Variants in CSMD1 observed in about 807,000 individuals in gnomAD.
The protein encoded by CSMD1 is CUB and sushi domain-containing protein 1.
CSMD1 carries 213 observed loss-of-function variants against 417.5 expected under a neutral mutation model. The observed-to-expected ratio is 0.51, with a 90% confidence interval of 0.46 to 0.57. CSMD1 has a LOEUF of 0.57. Among genes scored for constraint, CSMD1 ranks in the 20% least tolerant of loss-of-function variants. The probability of loss-of-function intolerance (pLI) is 0.00; values close to 1 mark genes in which losing one functional copy is unlikely to be tolerated. For synonymous variants in CSMD1, 2,862 were observed against 1,736.8 expected (o/e 1.65, Z -16.11); for missense variants, 6,923 against 4,529.7 (o/e 1.53, Z -15.17).
intron 49 of CSMD1, among the ~76,000 whole-genome samples, chr8:3,053,035 G>C (rs1185577754): frequency 6.6e-6 from 1 of 152,162 alleles, no homozygotes; most frequent in East Asian, 1.9e-4. Flanking sequence ...GTCCACCTTA[G>C]CCTCCCAAAG....
chr8:2,978,573 G>A, intron 55 of CSMD1, 39 bp downstream of exon 55: 1 of 1,488,588 alleles, frequency 6.7e-7, no homozygotes, highest in Non-Finnish European at 9.0e-7. Flanking sequence ...TGACCTTGCA[G>A]GGGTCTCTGC....
chr8:4,468,036 C>A (rs1185812934), intron 2 of CSMD1, among the ~76,000 whole-genome samples: 4 of 150,384 alleles, frequency 2.7e-5, no homozygotes, highest in African/African-American at 1.0e-4. Context: ...ACATGGGTTA[C>A]TCAACAGGCC....
rs754915483 is a variant in CSMD1 at position 3,692,989 on chromosome 8, AT to A, written c.1009+15424del. 3.6e-4 allele frequency among the ~76,000 whole-genome samples: 55 copies of A among 152,318 alleles called. 1 individual carries two copies. Among genetic ancestry groups the A allele is most frequent in the Non-Finnish European group, 3.7e-4 (25 of 68,026 alleles). The stretch of plus-strand genomic sequence containing the variant: ...TTAACTTGGATATGACTTCTTTATC[AT>A]CAAAAGTAACATTAATATTATATTG... On this transcript the variant is annotated intron_variant, in intron 7 of 69. Transcript: ENST00000635120.
At chr8:4,413,881 G>T (rs1025079480) in intron 3 of CSMD1, among the ~76,000 whole-genome samples, 1 of 152,104 alleles carries the variant, frequency 6.6e-6, no homozygotes, top group Non-Finnish European at 1.5e-5. Flanking sequence ...AGGATACCTG[G>T]GTTTACCAGT....
intron 2 of CSMD1, among the ~76,000 whole-genome samples, chr8:4,457,039 G>A (rs762150041): frequency 6.6e-6 from 1 of 151,068 alleles, no homozygotes; most frequent in Non-Finnish European, 1.5e-5. Flanking sequence ...CTGATTCCTG[G>A]AGCATCTCAG....
intron 1 of CSMD1, among the ~76,000 whole-genome samples, chr8:4,702,448 G>A (rs987468925): frequency 1.3e-5 from 2 of 151,990 alleles, no homozygotes; most frequent in Non-Finnish European, 2.9e-5. Context: ...AGTTCACTCT[G>A]GAACATTCTA....
chr8:4,168,071 G>C (rs1033951116), intron 3 of CSMD1, among the ~76,000 whole-genome samples: 4 of 151,622 alleles, frequency 2.6e-5, no homozygotes, highest in African/African-American at 7.3e-5. Flanking sequence ...AGAAGTTGTA[G>C]GGAGCTGAAA....
chr8:4,240,726 T>C (rs1802349211), intron 3 of CSMD1, among the ~76,000 whole-genome samples: 1 of 152,164 alleles, frequency 6.6e-6, no homozygotes, highest in Non-Finnish European at 1.5e-5. Context: ...TTGATGCCAA[T>C]GTTGCTCTTC....
At chr8:3,075,086 G>T (rs1033842256) in intron 49 of CSMD1, among the ~76,000 whole-genome samples, 1 of 151,938 alleles carries the variant, frequency 6.6e-6, no homozygotes, top group Non-Finnish European at 1.5e-5. Flanking sequence ...ACTCTCTCTT[G>T]CTCCTACTTT....
At chr8:3,412,609 T>C (rs1203465950) in intron 12 of CSMD1, among the ~76,000 whole-genome samples, 3 of 152,170 alleles carry the variant, frequency 2.0e-5, no homozygotes, top group African/African-American at 7.2e-5. Flanking sequence ...AAAATGCAGA[T>C]ATTTGGTTGA....
intron 10 of CSMD1, among the ~76,000 whole-genome samples, chr8:3,572,907 T>C (rs1475246250): frequency 2.2e-4 from 34 of 152,310 alleles, no homozygotes; most frequent in Admixed American, 2.2e-3. Context: ...CAATATCATA[T>C]GATTTTCTGG....
chr8:3,731,737 G>T (rs1373471629), intron 6 of CSMD1, among the ~76,000 whole-genome samples: 1 of 152,174 alleles, frequency 6.6e-6, no homozygotes, highest in South Asian at 2.1e-4. Flanking sequence ...TACAGGTAGA[G>T]AGACTAAGAT....
At chr8:4,031,462 C>T (rs2740921) in intron 4 of CSMD1, among the ~76,000 whole-genome samples, 104,728 of 151,936 alleles carry the variant, frequency 0.69, 36,266 homozygotes, top group African/African-American at 0.74. Context: ...ATGATGAGAA[C>T]GGCACAGGAA....
At chr8:3,912,232 G>A (rs1035796649) in intron 5 of CSMD1, among the ~76,000 whole-genome samples, 2 of 152,028 alleles carry the variant, frequency 1.3e-5, no homozygotes, top group African/African-American at 4.8e-5. Context: ...ACTTCTATAG[G>A]GGCATGAACT....
chr8:3,273,440 G>A lies in CSMD1; in HGVS notation c.4153+10704C>T, dbSNP rs1308593210. On this transcript the variant is annotated intron_variant, in intron 26 of 69. Coordinates refer to ENST00000635120, the MANE Select transcript of CSMD1 (RefSeq NM_033225.6). ...AGGCTTTGGTATCAGGATGATGCTG[G>A]CCTCATAAAATGAGTTAGGGAGGAT... 6.6e-5 allele frequency among the ~76,000 whole-genome samples: 10 copies of A among 152,110 alleles called. No individual in the cohort carries two copies. The East Asian group carries it at 1.5e-3, about 24-fold the overall frequency.
chr8:4,175,896 G>C (rs890762046), intron 3 of CSMD1, among the ~76,000 whole-genome samples: 2 of 152,132 alleles, frequency 1.3e-5, no homozygotes, highest in African/African-American at 2.4e-5. Context: ...TTGATTTCTA[G>C]TCCTAATTAC....
chr8:3,861,233 G>C (rs183824181), intron 5 of CSMD1, among the ~76,000 whole-genome samples: 3 of 152,262 alleles, frequency 2.0e-5, no homozygotes, highest in African/African-American at 2.4e-5. Flanking sequence ...GTCGCCTGTG[G>C]GTTTCTAACG....
rs547197608 is a variant in CSMD1, at chr8:4,280,310, AAG to A, written c.415+139641_415+139642del. On this transcript the variant is annotated intron_variant, in intron 3 of 69. Transcript: ENST00000635120. ...TAATGTAGTATATAATAAGCTTTGA[AAG>A]AGAGTGGATATGTTACCACGTTCTG... Among the ~76,000 whole-genome samples the A allele has an allele frequency of 3.8e-3, 580 of 152,332 alleles. 2 individuals are homozygous for A. The highest frequency in any genetic ancestry group is 0.01 in the Middle Eastern group (3 of 294).
Position 3,396,702 on chromosome 8 carries a change from T to C in CSMD1, c.2406-321A>G, listed in dbSNP as rs574616770. Among the ~76,000 whole-genome samples the C allele has an allele frequency of 4.3e-4, 66 of 152,244 alleles. 1 individual carries two copies. In the South Asian group the frequency reaches 7.9e-3, roughly 18 times the overall value. ...CTTAGATGATAGATTGATAGATAGA[T>C]AGATAGACAAATAGATTATTCCCAA... On this transcript the variant is annotated intron_variant, in intron 16 of 69. Coordinates refer to ENST00000635120, the MANE Select transcript of CSMD1 (RefSeq NM_033225.6).
Sources: gnomAD v4.1 joint callset for allele counts (sites outside exome capture counted in the v4.1 genomes callset) on GRCh38, gnomAD v4.1.1 for gene constraint, MANE v1.5 for transcripts, NCBI Gene and HGNC (gene_info 2026-07-23, HGNC 2026-07-21) for gene names.